RPL4: variants seen among roughly 807,000 people sequenced by gnomAD.
RPL4 encodes the protein large ribosomal subunit protein uL4.
A neutral mutation model predicts 47.7 loss-of-function variants in RPL4; 3 were observed. The observed-to-expected ratio is 0.06, with a 90% CI of 0.03 to 0.16. The LOEUF is 0.16. Ranked by LOEUF, RPL4 falls within the 10% of genes least tolerant of loss-of-function variation. RPL4 has a pLI of 1.00. For synonymous variants in RPL4, 208 were observed against 182.1 expected (o/e 1.14, Z -1.15); for missense variants, 413 against 551.3 (o/e 0.75, Z 2.51).
Position 66,499,152 on chromosome 15 carries a change from C to A in RPL4, c.*255G>T. On this transcript the variant is annotated 3_prime_UTR_variant, in exon 10 of 10. Coordinates refer to ENST00000307961, the MANE Select transcript of RPL4 (RefSeq NM_000968.4). ...TTTCAAGCCACATTATTTAGAAAACCACAACTTTTTTTAAATCATTCCCCT... is the reference window on the plus strand; with the variant it reads ...TTTCAAGCCACATTATTTAGAAAACAACAACTTTTTTTAAATCATTCCCCT... The A allele has an allele frequency of 2.6e-6, 1 of 388,858 alleles. No homozygotes were observed. The highest frequency in any genetic ancestry group is 4.0e-5 in the South Asian group (1 of 24,966). The allele number at this position is 388,858 out of a possible 1,614,324, so 24.1% of individuals were successfully genotyped here.
chr15:66,499,829 G>C, intron 9 of RPL4, 177 bp from the exon 10 acceptor site: 1 of 952,740 alleles, frequency 1.0e-6, no homozygotes, highest in South Asian at 1.7e-5. Flanking sequence ...TTTGAGACCA[G>C]CCTAACAATA....
At position 66,498,134 on chromosome 15, in the gene RPL4, A is replaced by G. The variant is rs1276459126; in HGVS notation, c.*1273T>C. On this transcript the variant is annotated 3_prime_UTR_variant, in exon 10 of 10. Coordinates refer to ENST00000307961, the MANE Select transcript of RPL4 (RefSeq NM_000968.4). ...GTGTGCCACCAAGTGGCTATCTTTA[A>G]CCCCACAAAACTTGCACATGTGTTT... 1 of 211,368 alleles carries G rather than the reference A, an allele frequency of 4.7e-6. No individual in the cohort carries two copies. The highest frequency in any genetic ancestry group is 9.7e-6 in the Non-Finnish European group (1 of 103,208). 13.1% of individuals were successfully genotyped at this position (211,368 alleles called of 1,614,324 possible).
intron 2 of RPL4, 75 bp from the exon 3 acceptor site, chr15:66,503,239 A>C: frequency 6.3e-7 from 1 of 1,583,566 alleles, no homozygotes; most frequent in Non-Finnish European, 8.7e-7. Context: ...GCATGGTAGC[A>C]AACAGCATCA....
rs762735368 is a variant in RPL4 at position 66,500,281 on chromosome 15, G to C, written c.917+12C>G. On this transcript the variant is annotated intron_variant, in intron 8 of 9. Transcript: ENST00000307961. The stretch of plus-strand genomic sequence containing the variant: ...GGTTGGGGCGAGAATTACACTCTAA[G>C]TATCACTTTACCGTGGTGCTCGAAG... 8 of 1,613,766 alleles carry C rather than the reference G, an allele frequency of 5.0e-6. No individual in the cohort carries two copies. Among genetic ancestry groups the C allele is most frequent in the Non-Finnish European group, 6.8e-6 (8 of 1,179,796 alleles).
At chr15:66,502,073 T>C (rs753625424) in intron 4 of RPL4, 161 bp from the exon 5 acceptor site, 2 of 935,700 alleles carry the variant, frequency 2.1e-6, no homozygotes, top group South Asian at 1.3e-5. Flanking sequence ...ACCAATTAAG[T>C]GGAATCTCAT....
intron 9 of RPL4, 182 bp from the exon 10 acceptor site, chr15:66,499,834 A>G (rs1893572137): frequency 1.1e-6 from 1 of 929,558 alleles, no homozygotes; most frequent in African/African-American, 1.7e-5. Flanking sequence ...GACCAGCCTA[A>G]CAATATAGTG....
At chr15:66,503,304 C>A (rs1157935475) in intron 2 of RPL4, 54 bp downstream of exon 2, 2 of 1,605,458 alleles carry the variant, frequency 1.2e-6, no homozygotes, top group Non-Finnish European at 1.7e-6. Flanking sequence ...AGTGGAATTT[C>A]ATCACTACTG....
chr15:66,502,447 G>T, intron 4 of RPL4, 165 bp downstream of exon 4: 1 of 724,230 alleles, frequency 1.4e-6, no homozygotes, highest in Non-Finnish European at 2.2e-6. Flanking sequence ...TCAAATCAGT[G>T]TAACTGGAAT....
intron 6 of RPL4, 59 bp downstream of exon 6, chr15:66,501,316 C>T (rs374538654): frequency 1.3e-4 from 207 of 1,611,206 alleles, no homozygotes; most frequent in Non-Finnish European, 1.7e-4. Flanking sequence ...CTCATCATAA[C>T]AAAAGCTGAG....
chr15:66,504,752 T>C, intron 1 of RPL4, 36 bp downstream of exon 1: 7 of 1,610,620 alleles, frequency 4.3e-6, no homozygotes, highest in Non-Finnish European at 5.9e-6. Flanking sequence ...GGCCCCGAGA[T>C]ACGGGGTAAG....
In RPL4 at chr15:66,501,866, A is replaced by G. The variant is rs1247144166; in HGVS notation, c.468T>C (p.Asp156=). The G allele has an allele frequency of 6.2e-7, 1 of 1,612,284 alleles. No homozygotes were observed. The highest frequency in any genetic ancestry group is 8.5e-7 in the Non-Finnish European group (1 of 1,179,954). Residue 156 remains aspartate, a synonymous_variant, in exon 5 of 10, where the codon GAT becomes GAC. Coordinates refer to ENST00000307961, the MANE Select transcript of RPL4 (RefSeq NM_000968.4). ...TGGTCTTCTTGTAGCCTTCAACTTT[A>G]TCTTCAACTACCAAAGGAAGTTCAG... is the stretch of plus-strand genomic sequence containing the variant. ...EVPELPLVVE[D]KVEGYKKTKE...
In RPL4 at chr15:66,503,542, A is replaced by G. The variant is rs745420870; in HGVS notation, c.4-13T>C. 4 of 1,577,132 alleles carry G rather than the reference A, an allele frequency of 2.5e-6. No individual in the cohort carries two copies. Among genetic ancestry groups the G allele is most frequent in the Non-Finnish European group, 3.5e-6 (4 of 1,157,612 alleles). ...GGCGAGCACACGCCTAAAGAAAAAG[A>G]CAAGGATTATTTTTATTGACAAGTA... On this transcript the variant is annotated splice_polypyrimidine_tract_variant and intron_variant, in intron 1 of 9. Coordinates refer to ENST00000307961, the MANE Select transcript of RPL4 (RefSeq NM_000968.4).
In RPL4 at chr15:66,504,837, A is replaced by C. The variant is rs750985803; in HGVS notation, c.-47T>G. The C allele has an allele frequency of 1.1e-5, 18 of 1,607,540 alleles. No homozygotes were observed. The Admixed American group carries it at 2.2e-4, about 20-fold the overall frequency. On this transcript the variant is annotated 5_prime_UTR_variant, in exon 1 of 10. Coordinates refer to ENST00000307961, the MANE Select transcript of RPL4 (RefSeq NM_000968.4). ...CGCTCCTCTCAGCCCGGCTGCTGCC[A>C]CAGGAAAAGGAAGTGCTTACCACTC...
chr15:66,498,279 G>A lies in RPL4; in HGVS notation c.*1128C>T, dbSNP rs1048286876. Reference sequence around the variant, plus strand: ...CACAAAATAGAGAAATAAAGAGCATGAAAATAAAGCCGTGCTAAGAAACGA... The same window carrying A: ...CACAAAATAGAGAAATAAAGAGCATAAAAATAAAGCCGTGCTAAGAAACGA... On this transcript the variant is annotated 3_prime_UTR_variant, in exon 10 of 10. Transcript: ENST00000307961. 2 of 152,854 alleles carry A rather than the reference G, an allele frequency of 1.3e-5. No homozygotes were observed. The highest frequency in any genetic ancestry group is 4.8e-5 in the African/African-American group (2 of 41,466). The allele number at this position is 152,854 out of a possible 1,614,324, so 9.5% of individuals were successfully genotyped here. A position where few individuals can be genotyped will look rare whatever the true frequency, so the allele number is the denominator to read the frequency against.
At chr15:66,500,800 C>CA in intron 7 of RPL4, 149 bp downstream of exon 7, 1 of 975,472 alleles carries the variant, frequency 1.0e-6, no homozygotes, top group Non-Finnish European at 1.5e-6. Context: ...AACAAAAAAC[C>CA]AAAAATATAG....
Position 66,500,961 on chromosome 15 carries a change from T to C in RPL4, c.821A>G (p.Lys274Arg), listed in dbSNP as rs1158823892. The change falls in exon 7 of 10, where the codon AAG becomes AGG. Residue 274 changes from lysine to arginine, a missense_variant. Lys to Arg is a conservative substitution (Grantham distance 26). Coordinates refer to ENST00000307961, the MANE Select transcript of RPL4 (RefSeq NM_000968.4). ...GAAAGATACTTACTTGTAGTTACTC[T>C]TGAGGGAAGCGGCTTTACGCCAAGT... is the stretch of plus-strand genomic sequence containing the variant. ...YGTWRKAASL[K>R]SNYNLPMHKM... is the part of the protein sequence containing the mutation. 15 of 1,613,776 alleles carry C rather than the reference T, an allele frequency of 9.3e-6. No homozygotes were observed. Among genetic ancestry groups the C allele is most frequent in the Non-Finnish European group, 1.2e-5 (14 of 1,179,860 alleles).
At chr15:66,501,146 CA>C (rs1389254318) in intron 6 of RPL4, 41 bp from the exon 7 acceptor site, 7 of 1,600,842 alleles carry the variant, frequency 4.4e-6, no homozygotes, top group East Asian at 2.2e-5. Context: ...TGTATTCCAA[CA>C]AAAGAAACAC....
chr15:66,500,460 C>G (rs142907940), intron 7 of RPL4, 84 bp from the exon 8 acceptor site: 169 of 1,164,806 alleles, frequency 1.5e-4, no homozygotes, highest in Non-Finnish European at 2.1e-4. Flanking sequence ...TTTTTAGCCA[C>G]TATGCTCTCC....
intron 4 of RPL4, chr15:66,502,368 T>C (rs28684409): frequency 0.21 from 99,875 of 481,730 alleles, 12,141 homozygotes; most frequent in Middle Eastern, 0.28. Context: ...GATTAAAAAA[T>C]TTTTAAACCG....
Sources: allele counts gnomAD v4.1 joint callset, GRCh38; gene constraint gnomAD v4.1.1; transcripts MANE v1.5; gene names NCBI Gene and HGNC (gene_info 2026-07-23, HGNC 2026-07-21).